Variants in ASIC2 observed in about 807,000 individuals in gnomAD.
ASIC2 encodes the protein acid sensing ion channel subunit 2, also known as acid-sensing ion channel 2.
ASIC2 carries 25 observed loss-of-function variants against 57.3 expected under a neutral mutation model. That is an observed-to-expected ratio of 0.44 (90% confidence interval 0.32 to 0.61). The LOEUF (loss-of-function observed/expected upper bound fraction) is 0.61. Among genes scored for constraint, ASIC2 ranks in the 20% least tolerant of loss-of-function variants. ASIC2 has a pLI of 0.06. For missense variants in ASIC2, 641 were observed against 738.1 expected (o/e 0.87, Z 1.52); for synonymous variants, 319 against 307.5 (o/e 1.04, Z -0.39).
At chr17:33,436,106 C>T (rs959314061) in intron 1 of ASIC2, among the ~76,000 whole-genome samples, 1 of 152,258 alleles carries the variant, frequency 6.6e-6, no homozygotes, top group Non-Finnish European at 1.5e-5. Flanking sequence ...TCTAACCTCA[C>T]AATCTGGCTG....
intron 1 of ASIC2, among the ~76,000 whole-genome samples, chr17:33,149,546 T>C (rs989125908): frequency 6.6e-6 from 1 of 152,250 alleles, no homozygotes; most frequent in Non-Finnish European, 1.5e-5. Flanking sequence ...GTGACTTGTA[T>C]ATAGTAGATG....
intron 1 of ASIC2, among the ~76,000 whole-genome samples, chr17:33,116,264 C>G (rs759768068): frequency 6.6e-6 from 1 of 152,222 alleles, no homozygotes; most frequent in Non-Finnish European, 1.5e-5. Context: ...TGCTAAACAT[C>G]AAAAGCCAGA....
chr17:34,001,399 G>A lies in ASIC2; in HGVS notation c.555+154579C>T, dbSNP rs915143263. 1.2e-4 allele frequency: 18 copies of A among 152,670 alleles called. No homozygotes were observed. In the East Asian group the frequency reaches 3.5e-3, roughly 29 times the overall value. The allele number at this position is 152,670 out of a possible 1,614,324, so 9.5% of individuals were successfully genotyped here. ...GACAGGCCTGGTGTGTGGGTCCATG[G>A]GGGCAGGCCTGAAAACTGAATCTAT... On this transcript the variant is annotated intron_variant, in intron 1 of 9. Coordinates refer to the ASIC2 transcript ENST00000359872.
chr17:33,928,755 C>A (rs1352981834), intron 1 of ASIC2, among the ~76,000 whole-genome samples: 1 of 152,024 alleles, frequency 6.6e-6, no homozygotes, highest in Non-Finnish European at 1.5e-5. Context: ...CGGGTGCCAG[C>A]AGGAAAATGG....
chr17:33,435,608 G>C (rs771348912), intron 1 of ASIC2, among the ~76,000 whole-genome samples: 1 of 152,134 alleles, frequency 6.6e-6, no homozygotes, highest in Non-Finnish European at 1.5e-5. Context: ...GGTAAATAAA[G>C]GGGACGGATC....
intron 1 of ASIC2, among the ~76,000 whole-genome samples, chr17:34,035,298 G>T (rs1317263837): frequency 6.9e-6 from 1 of 144,846 alleles, no homozygotes; most frequent in African/African-American, 2.7e-5. Flanking sequence ...GGGAAAACTG[G>T]CTAGCCATAT....
intron 4 of ASIC2, 54 bp from the exon 5 acceptor site, chr17:33,026,036 C>T: frequency 6.3e-7 from 1 of 1,590,178 alleles, no homozygotes; most frequent in Non-Finnish European, 8.6e-7. Flanking sequence ...TTCATGTCAG[C>T]AACACCTCCT....
chr17:34,121,721 C>G (rs559323157), intron 1 of ASIC2, among the ~76,000 whole-genome samples: 23 of 152,298 alleles, frequency 1.5e-4, no homozygotes, highest in African/African-American at 5.5e-4. Context: ...TAACCATCAC[C>G]CTAGATCACC....
chr17:33,204,346 A>T (rs111674336), intron 1 of ASIC2, among the ~76,000 whole-genome samples: 1 of 152,196 alleles, frequency 6.6e-6, no homozygotes, highest in Admixed American at 6.5e-5. Flanking sequence ...GTCAGTGAGA[A>T]GCCAGCCTGG....
intron 2 of ASIC2, among the ~76,000 whole-genome samples, chr17:33,106,510 A>G (rs2092235107): frequency 6.6e-6 from 1 of 152,148 alleles, no homozygotes; most frequent in African/African-American, 2.4e-5. Context: ...CTGTACACGG[A>G]TTCCGGTTTC....
chr17:33,954,511 G>A (rs779264124), intron 1 of ASIC2, among the ~76,000 whole-genome samples: 7 of 152,204 alleles, frequency 4.6e-5, no homozygotes, highest in Non-Finnish European at 1.0e-4. Context: ...GGAGCAAAAC[G>A]TCTCTGTTAA....
At chr17:34,022,225 A>T (rs1907192478) in intron 1 of ASIC2, among the ~76,000 whole-genome samples, 1 of 152,088 alleles carries the variant, frequency 6.6e-6, no homozygotes, top group Admixed American at 6.6e-5. Flanking sequence ...TGCTGTGCCT[A>T]ACCCTAAACT....
chr17:33,498,492 A>G (rs1221952535), intron 1 of ASIC2, among the ~76,000 whole-genome samples: 1 of 152,138 alleles, frequency 6.6e-6, no homozygotes, highest in Non-Finnish European at 1.5e-5. Context: ...CCTGTTTAGG[A>G]GCACTGCCCT....
chr17:33,520,028 A>C (rs576824363), intron 1 of ASIC2, among the ~76,000 whole-genome samples: 14 of 152,218 alleles, frequency 9.2e-5, no homozygotes, highest in African/African-American at 3.1e-4. Context: ...TTAAACATTC[A>C]TGTGTTAATT....
chr17:33,631,341 G>A (rs1906162805), intron 1 of ASIC2, among the ~76,000 whole-genome samples: 1 of 141,940 alleles, frequency 7.0e-6, no homozygotes, highest in South Asian at 2.2e-4. Context: ...TTTTTTTTTG[G>A]AGGGAGAGTT....
intron 5 of ASIC2, among the ~76,000 whole-genome samples, chr17:33,025,524 CAG>C (rs1567719888): frequency 6.6e-6 from 1 of 152,140 alleles, no homozygotes; most frequent in African/African-American, 2.4e-5. Flanking sequence ...TAGACACCAT[CAG>C]AGTGTGTGAG....
intron 1 of ASIC2, among the ~76,000 whole-genome samples, chr17:33,405,436 C>T (rs1283971951): frequency 6.6e-6 from 1 of 151,866 alleles, no homozygotes; most frequent in African/African-American, 2.4e-5. Flanking sequence ...CCAGGACTAG[C>T]CAATTCTTAG....
At chr17:33,699,838 A>C (rs1429229154) in intron 1 of ASIC2, among the ~76,000 whole-genome samples, 1 of 152,268 alleles carries the variant, frequency 6.6e-6, no homozygotes, top group African/African-American at 2.4e-5. Flanking sequence ...TAAAACAGAG[A>C]TAATAATAGT....
chr17:33,982,580 T>A (rs1381650420), intron 1 of ASIC2, among the ~76,000 whole-genome samples: 12 of 152,224 alleles, frequency 7.9e-5, no homozygotes, highest in African/African-American at 2.2e-4. Flanking sequence ...TCCCAAGGCA[T>A]CTAGTGTCTC....
Sources: gnomAD v4.1 joint callset for allele counts (sites outside exome capture counted in the v4.1 genomes callset) on GRCh38, gnomAD v4.1.1 for gene constraint, MANE v1.5 for transcripts, NCBI Gene and HGNC (gene_info 2026-07-23, HGNC 2026-07-21) for gene names.